Variants in RAB11FIP4 observed in about 807,000 individuals in gnomAD.
RAB11FIP4 encodes rab11 family-interacting protein 4.
In RAB11FIP4, 23 loss-of-function variants were observed where a neutral mutation model predicts 74.3. That is an observed-to-expected ratio of 0.31 (90% CI 0.22 to 0.44). The LOEUF is 0.44. RAB11FIP4 is among the 20% of genes least tolerant of loss of function. The pLI, the probability that RAB11FIP4 is intolerant of heterozygous loss-of-function variation, is 1.00. For synonymous variants in RAB11FIP4, 360 were observed against 359.9 expected, an observed-to-expected ratio of 1.00 and a Z score of 0.00; for missense variants, 630 against 863.9, an observed-to-expected ratio of 0.73 and a Z score of 3.39.
At chr17:31,412,223 G>A (rs910602437) in intron 1 of RAB11FIP4, among the ~76,000 whole-genome samples, 3 of 152,156 alleles carry the variant, frequency 2.0e-5, no homozygotes, top group South Asian at 2.1e-4. Context: ...CACAGATGCC[G>A]GTTTTGCCAT....
chr17:31,469,425 G>A (rs2071716929), intron 3 of RAB11FIP4, among the ~76,000 whole-genome samples: 1 of 152,066 alleles, frequency 6.6e-6, no homozygotes, highest in Admixed American at 6.6e-5. Context: ...TTTGAGACTA[G>A]CCTGTGCAAC....
At chr17:31,392,078 T>G (rs1294208716) in intron 1 of RAB11FIP4, 67 bp downstream of exon 1, 4 of 876,482 alleles carry the variant, frequency 4.6e-6, no homozygotes, top group Admixed American at 1.7e-4. Flanking sequence ...CTCCCCCAGC[T>G]CCCCCGCCGG....
chr17:31,435,133 C>T (rs1373897154), intron 3 of RAB11FIP4, among the ~76,000 whole-genome samples: 1 of 152,196 alleles, frequency 6.6e-6, no homozygotes, highest in Non-Finnish European at 1.5e-5. Context: ...CTTCAGTGAG[C>T]TGTGATTGTG....
chr17:31,492,662 T>C (rs2072032884), intron 3 of RAB11FIP4, among the ~76,000 whole-genome samples: 1 of 152,240 alleles, frequency 6.6e-6, no homozygotes, highest in African/African-American at 2.4e-5. Context: ...TCATGCCAAG[T>C]GTCTGACTAC....
At chr17:31,492,852 C>A (rs1450649255) in intron 3 of RAB11FIP4, among the ~76,000 whole-genome samples, 1 of 95,960 alleles carries the variant, frequency 1.0e-5, no homozygotes, top group Non-Finnish European at 2.1e-5. Flanking sequence ...GAGCCCCCCT[C>A]AAGAGCATTG....
In RAB11FIP4 at chr17:31,528,491, A is replaced by G; in HGVS notation, c.1442A>G (p.Lys481Arg). The change falls in exon 12 of 15, where the codon AAG becomes AGG. Residue 481 changes from lysine to arginine, a missense_variant. Transcript: ENST00000621161. ...EMDLYKRMMDKLRQNRLEFQK... is the reference protein window; with the variant it reads ...EMDLYKRMMDRLRQNRLEFQK... ...GACCTGTACAAGCGCATGATGGACA[A>G]GCTGCGACAGAACCGCCTTGAGTTC... The G allele has an allele frequency of 6.2e-7, 1 of 1,613,836 alleles. No homozygotes were observed. The highest frequency in any genetic ancestry group is 1.1e-5 in the South Asian group (1 of 91,092).
chr17:31,462,866 C>G (rs1396315071), intron 3 of RAB11FIP4, among the ~76,000 whole-genome samples: 10 of 152,244 alleles, frequency 6.6e-5, no homozygotes, highest in Non-Finnish European at 1.5e-5. Context: ...GAACTCCTGA[C>G]CTCAAATGAT....
At position 31,537,674 on chromosome 17, in the gene RAB11FIP4, G is replaced by C. The variant is rs2072989484; in HGVS notation, c.*5942G>C. Reference sequence around the variant, plus strand: ...TTGAGGCCACCACATCTGGTGTCTAGAACAGCTGCGGGCCCCACTTGGGCA... The same window carrying C: ...TTGAGGCCACCACATCTGGTGTCTACAACAGCTGCGGGCCCCACTTGGGCA... On this transcript the variant is annotated 3_prime_UTR_variant, in exon 15 of 15. Transcript: ENST00000621161. 6.5e-6 allele frequency: 1 copy of C among 154,818 alleles called. No homozygotes were observed. Among genetic ancestry groups the C allele is most frequent in the Non-Finnish European group, 1.4e-5 (1 of 69,602 alleles). The allele number at this position is 154,818 out of a possible 1,614,324, so 9.6% of individuals were successfully genotyped here.
intron 3 of RAB11FIP4, among the ~76,000 whole-genome samples, chr17:31,442,033 C>T (rs1032116561): frequency 6.6e-6 from 1 of 150,422 alleles, no homozygotes; most frequent in Admixed American, 6.6e-5. Flanking sequence ...GAGTCTCACT[C>T]TGTCGCCCAG....
chr17:31,509,308 G>A (rs578174567), intron 3 of RAB11FIP4: 4 of 151,830 alleles, frequency 2.6e-5, no homozygotes, highest in South Asian at 4.1e-4. Context: ...AGCACCTGGG[G>A]AACCCCAGTT....
intron 1 of RAB11FIP4, among the ~76,000 whole-genome samples, chr17:31,401,048 CACGAG>C (rs1280276934): frequency 6.6e-6 from 1 of 152,192 alleles, no homozygotes; most frequent in Non-Finnish European, 1.5e-5. Flanking sequence ...GCAGGCAGAT[CACGAG>C]GTCAGGAGAC....
intron 3 of RAB11FIP4, among the ~76,000 whole-genome samples, chr17:31,462,459 C>T (rs2071642946): frequency 6.6e-6 from 1 of 152,004 alleles, no homozygotes. Flanking sequence ...TGCAGGGAAG[C>T]ATTTAAAGTC....
At chr17:31,510,376 C>A (rs529925464) in intron 3 of RAB11FIP4, among the ~76,000 whole-genome samples, 1 of 152,372 alleles carries the variant, frequency 6.6e-6, no homozygotes, top group South Asian at 2.1e-4. Flanking sequence ...CACATGCACA[C>A]CTTCCCAGCG....
At chr17:31,522,307 A>G (rs2072682825) in intron 6 of RAB11FIP4, 53 bp from the exon 7 acceptor site, 2 of 1,575,238 alleles carry the variant, frequency 1.3e-6, no homozygotes, top group African/African-American at 2.7e-5. Context: ...GGACAGAGTA[A>G]GGGAGTGGAC....
intron 3 of RAB11FIP4, chr17:31,488,158 C>G (rs2071934591): frequency 5.5e-5 from 58 of 1,061,592 alleles, no homozygotes; most frequent in Non-Finnish European, 6.6e-5. Context: ...ATTGTTCCTG[C>G]GCTTCGGGGC....
At chr17:31,475,268 G>A (rs2071780357) in intron 3 of RAB11FIP4, among the ~76,000 whole-genome samples, 1 of 152,124 alleles carries the variant, frequency 6.6e-6, no homozygotes, top group South Asian at 2.1e-4. Flanking sequence ...CAGTGCTGGA[G>A]ATGAGAAGAC....
intron 3 of RAB11FIP4, among the ~76,000 whole-genome samples, chr17:31,453,792 C>CAAAAAAAAA (rs555119408): frequency 6.1e-4 from 38 of 62,162 alleles, no homozygotes; most frequent in East Asian, 1.4e-3. Flanking sequence ...AGACTCGTCT[C>CAAAAAAAAA]AAAAAAAAAA....
intron 1 of RAB11FIP4, among the ~76,000 whole-genome samples, chr17:31,407,165 C>A (rs975914580): frequency 1.3e-5 from 2 of 150,322 alleles, no homozygotes; most frequent in East Asian, 3.9e-4. Flanking sequence ...GATCCTCAGC[C>A]TCTTGAATAG....
intron 3 of RAB11FIP4, among the ~76,000 whole-genome samples, chr17:31,444,153 A>G (rs1567657527): frequency 6.6e-6 from 1 of 152,194 alleles, no homozygotes; most frequent in Non-Finnish European, 1.5e-5. Flanking sequence ...GCATTTCTAA[A>G]ACCACTCATG....
Sources: gnomAD v4.1 joint callset for allele counts (sites outside exome capture counted in the v4.1 genomes callset) on GRCh38, gnomAD v4.1.1 for gene constraint, MANE v1.5 for transcripts, NCBI Gene and HGNC (gene_info 2026-07-23, HGNC 2026-07-21) for gene names.